The following DMD variants were observed in gnomAD, a reference collection of about 807,000 sequenced individuals.
The protein encoded by DMD is dystrophin.
DMD carries 63 observed loss-of-function variants against 330.1 expected under a neutral mutation model. The ratio of observed to expected loss-of-function variants is 0.19; its 90% confidence interval spans 0.16 to 0.24. The LOEUF (loss-of-function observed/expected upper bound fraction) is 0.24, where lower values mean the gene tolerates loss of function less well. Among genes scored for constraint, DMD ranks in the 10% least tolerant of loss-of-function variants. The probability of loss-of-function intolerance (pLI) is 1.00; values close to 1 mark genes in which losing one functional copy is unlikely to be tolerated. For synonymous variants in DMD, 1,223 were observed against 959.8 expected (o/e 1.27, Z -5.07); for missense variants, 3,344 against 2,684.1 (o/e 1.25, Z -5.43).
chrX:32,047,794 G>A (rs1409985641), intron 44 of DMD, among the ~76,000 whole-genome samples: 1 of 110,628 alleles, frequency 9.0e-6, no homozygotes, highest in Non-Finnish European at 1.9e-5. Context: ...AAGGCTGAGG[G>A]CTAATTTTAC....
At chrX:32,927,005 G>A (rs895581511) in intron 2 of DMD, among the ~76,000 whole-genome samples, 3 of 111,362 alleles carry the variant, frequency 2.7e-5, no homozygotes, top group Non-Finnish European at 5.6e-5. Context: ...CAGAGGTCTT[G>A]GCTTAATGTC....
chrX:31,500,891 G>T (rs1246196144), intron 56 of DMD, among the ~76,000 whole-genome samples: 2 of 112,237 alleles, frequency 1.8e-5, no homozygotes, highest in Non-Finnish European at 3.8e-5. Flanking sequence ...AACCTTAGTG[G>T]TTTTAACCAA....
intron 43 of DMD, among the ~76,000 whole-genome samples, chrX:32,257,412 A>G (rs1850636627): frequency 9.0e-6 from 1 of 111,539 alleles, no homozygotes; most frequent in Admixed American, 9.6e-5. Flanking sequence ...CCTGACTTCA[A>G]ACTATACTAC....
At chrX:32,868,408 G>A (rs2082686731) in intron 2 of DMD, among the ~76,000 whole-genome samples, 1 of 111,434 alleles carries the variant, frequency 9.0e-6, no homozygotes, top group Admixed American at 9.5e-5. Flanking sequence ...CCGGGGAGGG[G>A]CGGCATCTAA....
intron 49 of DMD, among the ~76,000 whole-genome samples, chrX:31,828,269 A>G (rs1178236399): frequency 8.9e-6 from 1 of 112,130 alleles, no homozygotes; most frequent in Non-Finnish European, 1.9e-5. Context: ...ATTCACTACT[A>G]CTATGAACAC....
intron 7 of DMD, among the ~76,000 whole-genome samples, chrX:32,751,046 C>CT (rs758343538): frequency 4.5e-5 from 5 of 111,846 alleles, no homozygotes; most frequent in African/African-American, 1.6e-4. Context: ...CCATTAAACT[C>CT]TTTTTCCTGT....
At chrX:31,133,314 A>G (rs996458591) in intron 77 of DMD, among the ~76,000 whole-genome samples, 9 of 111,269 alleles carry the variant, frequency 8.1e-5, no homozygotes, top group Admixed American at 3.8e-4. Context: ...TTATTCGTTG[A>G]AGGAAGGCGA....
intron 53 of DMD, among the ~76,000 whole-genome samples, chrX:31,664,054 T>C (rs1255249727): frequency 8.9e-6 from 1 of 111,919 alleles, no homozygotes; most frequent in Admixed American, 9.5e-5. Flanking sequence ...AAAGACAGCA[T>C]GCCCTTGACA....
chrX:32,401,203 G>T (rs6527196), intron 30 of DMD, among the ~76,000 whole-genome samples: 34,572 of 82,406 alleles, frequency 0.42, 6,550 homozygotes, highest in East Asian at 0.69. Flanking sequence ...AGGGGGGAGG[G>T]ATAGCATTGG....
chrX:32,541,697 A>G (rs147506889), intron 17 of DMD, among the ~76,000 whole-genome samples: 434 of 110,989 alleles, frequency 3.9e-3, no homozygotes, highest in African/African-American at 0.014. Context: ...TACCTATCAG[A>G]TATTATGCTG....
At chrX:33,235,535 G>T (rs749854443) in intron 1 of DMD, among the ~76,000 whole-genome samples, 2 of 111,972 alleles carry the variant, frequency 1.8e-5, no homozygotes, top group Non-Finnish European at 3.8e-5. Flanking sequence ...CACAACAATG[G>T]TCTATCTTGC....
chrX:31,968,095 G>T (rs1487644565), intron 45 of DMD, among the ~76,000 whole-genome samples: 1 of 110,786 alleles, frequency 9.0e-6, no homozygotes, highest in East Asian at 2.8e-4. Context: ...AGCAATCATG[G>T]GTGATTTTTA....
chrX:32,320,963 A>G (rs758262602), intron 41 of DMD, among the ~76,000 whole-genome samples: 32 of 111,896 alleles, frequency 2.9e-4, no homozygotes, highest in Non-Finnish European at 5.5e-4. Flanking sequence ...TCTATATCCA[A>G]TTGATTTTAC....
intron 50 of DMD, among the ~76,000 whole-genome samples, chrX:31,814,432 G>A (rs1344629708): frequency 3.5e-5 from 3 of 86,542 alleles, no homozygotes; most frequent in African/African-American, 4.5e-5. Flanking sequence ...GCAGTGAGCC[G>A]AGATCGCGCC....
At chrX:31,164,067 T>C (rs1569387720) in intron 74 of DMD, among the ~76,000 whole-genome samples, 2 of 111,916 alleles carry the variant, frequency 1.8e-5, no homozygotes, top group East Asian at 5.6e-4. Flanking sequence ...CCTTTGGATT[T>C]TGTATAATAA....
chrX:31,177,234 G>T (rs1921395), intron 71 of DMD, among the ~76,000 whole-genome samples: 12 of 110,267 alleles, frequency 1.1e-4, no homozygotes, highest in African/African-American at 3.3e-4. Flanking sequence ...TGGTATCTAA[G>T]CTCAGTATTA....
At chrX:31,328,955 T>C (rs1296685320) in intron 61 of DMD, among the ~76,000 whole-genome samples, 1 of 112,227 alleles carries the variant, frequency 8.9e-6, no homozygotes, top group Non-Finnish European at 1.9e-5. Flanking sequence ...CTTTGAATAG[T>C]ATCTAACTGC....
At chrX:32,852,337 A>G (rs2081206112) in intron 2 of DMD, among the ~76,000 whole-genome samples, 1 of 111,289 alleles carries the variant, frequency 9.0e-6, no homozygotes. Context: ...TCCTGGTAGA[A>G]TTCGTCACCT....
At position 32,430,646 on chromosome X, in the gene DMD, A is replaced by C. The variant is rs967839691; in HGVS notation, c.4071+7595T>G. 4.5e-5 allele frequency among the ~76,000 whole-genome samples: 5 copies of C among 111,716 alleles called. No homozygotes were observed. In the Admixed American group the frequency reaches 4.8e-4, roughly 11 times the overall value. ...CTATAGGCAATATGCTTTACAGTAG[A>C]TCTCTAGGAATTATCTATATTGTAT... On this transcript the variant is annotated intron_variant, in intron 29 of 78. Coordinates refer to ENST00000357033, the MANE Select transcript of DMD (RefSeq NM_004006.3).
Sources: gnomAD v4.1 joint callset for allele counts (sites outside exome capture counted in the v4.1 genomes callset) on GRCh38, gnomAD v4.1.1 for gene constraint, MANE v1.5 for transcripts, NCBI Gene and HGNC (gene_info 2026-07-23, HGNC 2026-07-21) for gene names.